SGCZ: variants seen among roughly 807,000 people sequenced by gnomAD.
The protein encoded by SGCZ is zeta-sarcoglycan.
Under a neutral mutation model 41.3 loss-of-function variants are expected in SGCZ, and 40 were observed. The ratio of observed to expected loss-of-function variants is 0.97; its 90% CI spans 0.75 to 1.26. The LOEUF is 1.26. Among genes scored for constraint, SGCZ ranks in the 50% most tolerant of loss-of-function variants. The probability of loss-of-function intolerance (pLI) is 0.00; values close to 1 mark genes in which losing one functional copy is unlikely to be tolerated. For missense variants in SGCZ, 552 were observed against 369.8 expected (o/e 1.49, Z -4.04); for synonymous variants, 206 against 137.5 (o/e 1.50, Z -3.49).
In SGCZ at chr8:14,090,596, T is replaced by G. The variant is rs774709620; in HGVS notation, c.786A>C (p.Pro262=). 6.2e-7 allele frequency: 1 copy of G among 1,612,654 alleles called. No homozygotes were observed. Reference sequence around the variant, plus strand: ...GTGAAGAAGATGAGAAGGAGCCAGTTGGTAGATTTCCCAGCTTGATTGTCT... The same window carrying G: ...GTGAAGAAGATGAGAAGGAGCCAGTGGGTAGATTTCCCAGCTTGATTGTCT... ...NAETIKLGNL[P]TGSFSSSSPS... The change falls in exon 8 of 8, where the codon CCA becomes CCC. Residue 262 remains proline, a synonymous_variant. Transcript: ENST00000382080.
rs1803979036 is a variant in SGCZ at position 14,554,765 on chromosome 8, T to C, written c.201A>G (p.Thr67=). Residue 67 remains threonine, a synonymous_variant, in exon 2 of 8, where the codon ACA becomes ACG. Coordinates refer to ENST00000382080, the MANE Select transcript of SGCZ (RefSeq NM_139167.4). Reference sequence around the variant, plus strand: ...AATTCATAACTTTCAATATCCATATTGTCATGGCTAAGTTAACTATCATGG... The same window carrying C: ...AATTCATAACTTTCAATATCCATATCGTCATGGCTAAGTTAACTATCATGG... ...LVTMIVNLAM[T]IWILKVMNFT... is the part of the protein sequence containing the mutation. 1.2e-6 allele frequency: 2 copies of C among 1,612,800 alleles called. No homozygotes were observed. Among genetic ancestry groups the C allele is most frequent in the South Asian group, 2.2e-5 (2 of 91,030 alleles).
At chr8:14,608,375 C>G (rs1805819899) in intron 1 of SGCZ, among the ~76,000 whole-genome samples, 1 of 151,316 alleles carries the variant, frequency 6.6e-6, no homozygotes, top group South Asian at 2.1e-4. Flanking sequence ...GCAGGCTGCA[C>G]AAGCATGGTA....
chr8:15,085,838 T>A (rs1393559753), intron 1 of SGCZ, among the ~76,000 whole-genome samples: 2 of 152,138 alleles, frequency 1.3e-5, no homozygotes, highest in Non-Finnish European at 2.9e-5. Context: ...CCCTCTGTCA[T>A]TCTTGTCTGC....
chr8:14,815,678 G>A (rs1197920547), intron 1 of SGCZ, among the ~76,000 whole-genome samples: 1 of 152,140 alleles, frequency 6.6e-6, no homozygotes, highest in Non-Finnish European at 1.5e-5. Context: ...GTAGCAGTGT[G>A]AACAACTATT....
chr8:14,615,894 A>G (rs1245078118), intron 1 of SGCZ, among the ~76,000 whole-genome samples: 1 of 152,140 alleles, frequency 6.6e-6, no homozygotes, highest in East Asian at 1.9e-4. Context: ...ATTCTCTCCT[A>G]TCTCATTCCA....
At chr8:14,193,211 A>T (rs1401578646) in intron 4 of SGCZ, among the ~76,000 whole-genome samples, 1 of 151,940 alleles carries the variant, frequency 6.6e-6, no homozygotes, top group Non-Finnish European at 1.5e-5. Context: ...TACTCCTGCC[A>T]TGTATATGTC....
intron 1 of SGCZ, among the ~76,000 whole-genome samples, chr8:14,628,785 T>C (rs570622381): frequency 8.7e-4 from 133 of 152,264 alleles, no homozygotes; most frequent in African/African-American, 2.5e-3. Context: ...ATCTTTCCTG[T>C]AAATATGCAA....
intron 1 of SGCZ, among the ~76,000 whole-genome samples, chr8:14,793,030 T>C (rs923912661): frequency 6.6e-6 from 1 of 152,228 alleles, no homozygotes; most frequent in Admixed American, 6.5e-5. Context: ...AGAATTACAA[T>C]ATAAAAGATA....
At chr8:14,682,087 C>T (rs1021341856) in intron 1 of SGCZ, among the ~76,000 whole-genome samples, 1 of 152,080 alleles carries the variant, frequency 6.6e-6, no homozygotes, top group African/African-American at 2.4e-5. Context: ...TCAGATTTCA[C>T]AGCCCTGGGG....
intron 1 of SGCZ, among the ~76,000 whole-genome samples, chr8:15,223,578 C>T (rs1442483426): frequency 6.6e-6 from 1 of 152,104 alleles, no homozygotes; most frequent in Non-Finnish European, 1.5e-5. Flanking sequence ...GTGCTATTTC[C>T]ACCAATTTAA....
chr8:15,197,427 T>C (rs1800764652), intron 1 of SGCZ, among the ~76,000 whole-genome samples: 1 of 152,184 alleles, frequency 6.6e-6, no homozygotes, highest in Non-Finnish European at 1.5e-5. Context: ...GAGTTTACAT[T>C]TTTGAAAGCA....
chr8:14,402,535 T>G (rs1799107049), intron 2 of SGCZ, among the ~76,000 whole-genome samples: 2 of 148,492 alleles, frequency 1.3e-5, no homozygotes, highest in South Asian at 4.2e-4. Context: ...GCACCATTTA[T>G]TAAATAGGGA....
chr8:15,121,322 G>C (rs536469033), intron 1 of SGCZ, among the ~76,000 whole-genome samples: 3 of 152,118 alleles, frequency 2.0e-5, no homozygotes, highest in Non-Finnish European at 1.5e-5. Context: ...TACAACAAAT[G>C]ACATTTCTTT....
intron 3 of SGCZ, among the ~76,000 whole-genome samples, chr8:14,243,156 T>C (rs750378741): frequency 1.8e-4 from 27 of 152,208 alleles, no homozygotes; most frequent in Non-Finnish European, 3.2e-4. Flanking sequence ...TACTTGGTAT[T>C]CTGAAAGAAC....
At chr8:14,255,439 T>C (rs1424100018) in intron 3 of SGCZ, among the ~76,000 whole-genome samples, 1 of 152,164 alleles carries the variant, frequency 6.6e-6, no homozygotes, top group Non-Finnish European at 1.5e-5. Flanking sequence ...AGCTTACTGC[T>C]TCTAATGCCC....
At chr8:14,848,137 A>C (rs1371538244) in intron 1 of SGCZ, among the ~76,000 whole-genome samples, 1 of 152,170 alleles carries the variant, frequency 6.6e-6, no homozygotes, top group Non-Finnish European at 1.5e-5. Flanking sequence ...TAAAATTATA[A>C]AATTCTTATG....
At chr8:14,794,589 A>C (rs1186343713) in intron 1 of SGCZ, among the ~76,000 whole-genome samples, 2 of 152,210 alleles carry the variant, frequency 1.3e-5, no homozygotes, top group African/African-American at 4.8e-5. Flanking sequence ...CATTCATATA[A>C]AAGTATTTCC....
chr8:14,224,901 T>A (rs964702103), intron 4 of SGCZ, among the ~76,000 whole-genome samples: 1 of 152,168 alleles, frequency 6.6e-6, no homozygotes, highest in African/African-American at 2.4e-5. Context: ...CACTAAATAT[T>A]CTCTACATAA....
chr8:14,833,533 T>C (rs1585302956), intron 1 of SGCZ, among the ~76,000 whole-genome samples: 1 of 152,330 alleles, frequency 6.6e-6, no homozygotes, highest in East Asian at 1.9e-4. Context: ...CCTAGGCTGA[T>C]TGTTCTTAAC....
Sources: gnomAD v4.1 joint callset for allele counts (sites outside exome capture counted in the v4.1 genomes callset) on GRCh38, gnomAD v4.1.1 for gene constraint, MANE v1.5 for transcripts, NCBI Gene and HGNC (gene_info 2026-07-23, HGNC 2026-07-21) for gene names.